The following TRRAP variants were observed in gnomAD, a reference collection of about 807,000 sequenced individuals.
The protein encoded by TRRAP is transformation/transcription domain associated protein, also known as transformation/transcription domain-associated protein.
Under a neutral mutation model 438.8 loss-of-function variants are expected in TRRAP, and 41 were observed. The ratio of observed to expected loss-of-function variants is 0.09; its 90% CI spans 0.07 to 0.12. The LOEUF is 0.12. Among genes scored for constraint, TRRAP ranks in the 10% least tolerant of loss-of-function variants. The probability of loss-of-function intolerance (pLI) is 1.00; values close to 1 mark genes in which losing one functional copy is unlikely to be tolerated. For synonymous variants in TRRAP, 1,994 were observed against 1,962.9 expected, an observed-to-expected ratio of 1.02 and a Z score of -0.42; for missense variants, 3,122 against 5,055.1, an observed-to-expected ratio of 0.62 and a Z score of 11.60.
chr7:98,904,246 G>T lies in TRRAP; in HGVS notation c.1036+729G>T, dbSNP rs530742980. Among the ~76,000 whole-genome samples the T allele has an allele frequency of 3.9e-5, 6 of 152,150 alleles. No homozygotes were observed. The South Asian group carries it at 1.2e-3, about 32-fold the overall frequency. ...CGTCTGTAATCCCAGCACTTAGGGAGGCCGAGGCGAGCGGATCACGAGGTC... is the reference window on the plus strand; with the variant it reads ...CGTCTGTAATCCCAGCACTTAGGGATGCCGAGGCGAGCGGATCACGAGGTC... On this transcript the variant is annotated intron_variant, in intron 12 of 72. Coordinates refer to ENST00000456197, the MANE Select transcript of TRRAP (RefSeq NM_001375524.1).
intron 37 of TRRAP, 96 bp downstream of exon 37, chr7:98,949,937 G>A: frequency 6.4e-7 from 1 of 1,566,952 alleles, no homozygotes; most frequent in African/African-American, 1.4e-5. Context: ...GTGGTCATTG[G>A]ATGCGTGCAG....
rs191844089 is a variant in TRRAP at position 98,968,003 on chromosome 7, G to A, written c.7512+305G>A. On this transcript the variant is annotated intron_variant, in intron 51 of 72. Coordinates refer to ENST00000456197, the MANE Select transcript of TRRAP (RefSeq NM_001375524.1). ...GCGTGCCCTAGAAAATAAAACTGTG[G>A]ACTTGTCAACTCCCATTGTTCTTTT... Among the ~76,000 whole-genome samples, 6 of 149,326 alleles carry A rather than the reference G, an allele frequency of 4.0e-5. No homozygotes were observed. The East Asian group carries it at 9.9e-4, about 25-fold the overall frequency.
chr7:98,994,537 C>T lies in TRRAP; in HGVS notation c.10048-50C>T. ...CAATAGGCGCTTTTGGCTGCTGGTTCTGGAGTGGAGGGCTGTGTTTGTCAG... is the reference window on the plus strand; with the variant it reads ...CAATAGGCGCTTTTGGCTGCTGGTTTTGGAGTGGAGGGCTGTGTTTGTCAG... On this transcript the variant is annotated intron_variant, in intron 66 of 72. Coordinates refer to ENST00000456197, the MANE Select transcript of TRRAP (RefSeq NM_001375524.1). The surrounding 1 kb of genome is among the most constrained non-coding windows in gnomAD (Gnocchi z 4.8). 2 of 1,608,028 alleles carry T rather than the reference C, an allele frequency of 1.2e-6. No homozygotes were observed. The highest frequency in any genetic ancestry group is 4.5e-5 in the East Asian group (2 of 44,812).
At chr7:98,978,937 C>CT in intron 58 of TRRAP, 33 bp downstream of exon 58, 1 of 1,611,200 alleles carries the variant, frequency 6.2e-7, no homozygotes, top group Non-Finnish European at 8.5e-7. Flanking sequence ...CTGCCGCTGC[C>CT]TGGGTCCCTT....
intron 44 of TRRAP, 59 bp from the exon 45 acceptor site, chr7:98,959,285 G>A: frequency 1.3e-6 from 2 of 1,594,792 alleles, no homozygotes; most frequent in Non-Finnish European, 8.6e-7. Flanking sequence ...TGCTGTCACT[G>A]GAATGACTGT....
chr7:98,911,055 C>T lies in TRRAP; in HGVS notation c.1813-22C>T, dbSNP rs373704795. 2.0e-4 allele frequency: 319 copies of T among 1,605,510 alleles called. 2 individuals are homozygous for T. Among genetic ancestry groups the T allele is most frequent in the South Asian group, 8.9e-4 (80 of 89,680 alleles). On this transcript the variant is annotated intron_variant, in intron 16 of 72. Coordinates refer to ENST00000456197, the MANE Select transcript of TRRAP (RefSeq NM_001375524.1). ...GAGGTTCAGTTTTAATGCCTGTGGG[C>T]GGCTTTTTTCCCCTGTATTAGGTCC...
chr7:99,012,147 C>T lies in TRRAP; in HGVS notation c.11414C>T (p.Ser3805Phe), dbSNP rs1033154031. The T allele has an allele frequency of 1.9e-6, 3 of 1,614,114 alleles. No individual in the cohort carries two copies. The African/African-American group carries it at 4.0e-5, about 22-fold the overall frequency. Reference protein sequence around the residue: ...WHKKTQEDTSSPLSAAGQPEN... With the variant: ...WHKKTQEDTSFPLSAAGQPEN... ...AAAAAAACACAAGAGGACACGTCCT[C>T]TCCTCTCTCGGCCGCCGGGCAGCCA... is the stretch of plus-strand genomic sequence containing the variant. Residue 3805 changes from serine to phenylalanine, a missense_variant, in exon 73 of 73, where the codon TCT becomes TTT. Ser to Phe is a radical substitution (Grantham distance 155). This residue lies in a region of TRRAP where 192 missense variants were observed against 355.6 expected (regional missense o/e 0.54). Transcript: ENST00000456197. This position sits in a 1 kb window ranked among gnomAD's most constrained non-coding sequence, Gnocchi z 5.9.
Position 98,950,926 on chromosome 7 carries a change from G to T in TRRAP, c.5385G>T (p.Gly1795=). Residue 1795 remains glycine, a synonymous_variant, in exon 39 of 73, where the codon GGG becomes GGT. Coordinates refer to ENST00000456197, the MANE Select transcript of TRRAP (RefSeq NM_001375524.1). ...CTTTCTTGTACAGCTTTGAGAAGGG[G>T]GAAGGAGAGCAGCTCTTGGGACCTC... is the stretch of plus-strand genomic sequence containing the variant. The part of the protein sequence containing the change: ...NPAFLYSFEK[G]EGEQLLGPPN... The T allele has an allele frequency of 6.2e-7, 1 of 1,607,714 alleles. No homozygotes were observed. Among genetic ancestry groups the T allele is most frequent in the Non-Finnish European group, 8.5e-7 (1 of 1,177,742 alleles).
chr7:98,971,722 A>G, intron 52 of TRRAP, 77 bp from the exon 53 acceptor site: 2 of 1,511,976 alleles, frequency 1.3e-6, no homozygotes, highest in Non-Finnish European at 1.8e-6. Context: ...TGTAACAAGA[A>G]GCCTACAGGA....
intron 2 of TRRAP, 98 bp from the exon 3 acceptor site, chr7:98,881,877 T>C (rs782784471): frequency 2.5e-5 from 33 of 1,343,546 alleles, no homozygotes; most frequent in Non-Finnish European, 2.8e-5. Flanking sequence ...ACTGATAAGA[T>C]CTGATTGCTT....
At chr7:98,892,307 G>A (rs919458583) in intron 4 of TRRAP, 117 bp from the exon 5 acceptor site, 16 of 817,012 alleles carry the variant, frequency 2.0e-5, no homozygotes, top group Non-Finnish European at 3.1e-5. Context: ...GTAGGATGGT[G>A]GTTCATTCCT....
chr7:98,929,853 C>T (rs1340308082), intron 23 of TRRAP, 136 bp from the exon 24 acceptor site: 1 of 862,456 alleles, frequency 1.2e-6, no homozygotes, highest in South Asian at 1.7e-5. Context: ...CTCGGCCTCC[C>T]AGAGTGCTGG....
rs571596910 is a variant in TRRAP at position 98,895,081 on chromosome 7, A to T, written c.451-683A>T. ...AATTCTGTATACAATTTTTAAAAAAATTTTTGTAGAGACAGAGTCTGTCTA... is the reference window on the plus strand; with the variant it reads ...AATTCTGTATACAATTTTTAAAAAATTTTTTGTAGAGACAGAGTCTGTCTA... On this transcript the variant is annotated intron_variant, in intron 6 of 72. Transcript: ENST00000456197. 5.3e-5 allele frequency among the ~76,000 whole-genome samples: 8 copies of T among 152,208 alleles called. No individual in the cohort carries two copies. In the South Asian group the frequency reaches 8.3e-4, roughly 16 times the overall value.
chr7:98,950,251 T>C lies in TRRAP; in HGVS notation c.5323T>C (p.Leu1775=), dbSNP rs1319125411. The change falls in exon 38 of 73, where the codon TTA becomes CTA. Residue 1775 remains leucine (L), a synonymous_variant. Coordinates refer to ENST00000456197, the MANE Select transcript of TRRAP (RefSeq NM_001375524.1). ...DFNDPNFGDE[L]KAKVLQHILN... Reference sequence around the variant, plus strand: ...CAACGACCCCAACTTCGGAGATGAATTAAAAGCTAAAGTGAGTCCCACTCT... The same window carrying C: ...CAACGACCCCAACTTCGGAGATGAACTAAAAGCTAAAGTGAGTCCCACTCT... 1 of 1,614,110 alleles carries C rather than the reference T, an allele frequency of 6.2e-7. No homozygotes were observed. The highest frequency in any genetic ancestry group is 1.3e-5 in the African/African-American group (1 of 74,942).
intron 23 of TRRAP, among the ~76,000 whole-genome samples, chr7:98,929,280 A>G (rs1189406280): frequency 6.6e-6 from 1 of 152,070 alleles, no homozygotes; most frequent in East Asian, 1.9e-4. Context: ...ATGGAGATGC[A>G]TCTCATTATG....
intron 20 of TRRAP, among the ~76,000 whole-genome samples, chr7:98,918,984 CAAAAA>C (rs782343068): frequency 2.7e-5 from 2 of 73,576 alleles, no homozygotes; most frequent in Admixed American, 1.5e-4. Context: ...TAAACTGTCT[CAAAAA>C]AAAAAAAAAA....
At chr7:98,931,919 C>G (rs1554413021) in intron 26 of TRRAP, among the ~76,000 whole-genome samples, 3 of 151,312 alleles carry the variant, frequency 2.0e-5, no homozygotes, top group African/African-American at 7.3e-5. Context: ...TTTTTTAAAG[C>G]TTTTTTATTT....
chr7:98,886,820 A>G (rs1172721115), intron 3 of TRRAP, among the ~76,000 whole-genome samples: 3 of 152,198 alleles, frequency 2.0e-5, no homozygotes, highest in Non-Finnish European at 4.4e-5. Context: ...CACATGAACA[A>G]TTTATCTGGA....
Position 98,908,132 on chromosome 7 carries a change from C to T in TRRAP, c.1116-596C>T, listed in dbSNP as rs1417113397. On this transcript the variant is annotated intron_variant, in intron 13 of 72. Coordinates refer to ENST00000456197, the MANE Select transcript of TRRAP (RefSeq NM_001375524.1). This position sits in a 1 kb window ranked among gnomAD's most constrained non-coding sequence, Gnocchi z 4.1. Reference sequence around the variant, plus strand: ...CTGTTTAAGAATAGCTTGCCCCACTCATCTTTCTCATGTGCCCTTTTCACA... The same window carrying T: ...CTGTTTAAGAATAGCTTGCCCCACTTATCTTTCTCATGTGCCCTTTTCACA... Among the ~76,000 whole-genome samples the T allele has an allele frequency of 6.6e-6, 1 of 152,232 alleles. No homozygotes were observed. Among genetic ancestry groups the T allele is most frequent in the African/African-American group, 2.4e-5 (1 of 41,460 alleles).
Sources: gnomAD v4.1 joint callset for allele counts (sites outside exome capture counted in the v4.1 genomes callset) on GRCh38, gnomAD v4.1.1 for gene constraint, gnomAD v4.1.1 regional missense constraint, Gnocchi (gnomAD v3.1) non-coding constraint, MANE v1.5 for transcripts, NCBI Gene and HGNC (gene_info 2026-07-23, HGNC 2026-07-21) for gene names.